The following CCDC91 variants were observed in gnomAD, a reference collection of about 807,000 sequenced individuals.
CCDC91 encodes coiled-coil domain-containing protein 91.
Under a neutral mutation model 63.2 loss-of-function variants are expected in CCDC91, and 48 were observed. The observed-to-expected ratio is 0.76, with a 90% CI of 0.60 to 0.97. The LOEUF (loss-of-function observed/expected upper bound fraction) is 0.97, where lower values mean the gene tolerates loss of function less well. CCDC91 is among the 50% of genes least tolerant of loss of function. The pLI is 0.00. For missense variants in CCDC91, 500 were observed against 494.6 expected (o/e 1.01, Z -0.10); for synonymous variants, 167 against 165.8 (o/e 1.01, Z -0.06).
intron 3 of CCDC91, 90 bp from the exon 4 acceptor site, chr12:28,305,559 A>G (rs1592258764): frequency 1.8e-6 from 2 of 1,123,338 alleles, no homozygotes; most frequent in Non-Finnish European, 2.4e-6. Context: ...CTTTTCCTCT[A>G]TTTCAGCTCT....
At chr12:28,221,069 A>G (rs2135674085) in intron 1 of CCDC91, among the ~76,000 whole-genome samples, 1 of 152,016 alleles carries the variant, frequency 6.6e-6, no homozygotes, top group South Asian at 2.1e-4. Flanking sequence ...CATGTTTTAG[A>G]CCACTTGAAA....
chr12:28,343,438 A>G (rs545356466), intron 6 of CCDC91, among the ~76,000 whole-genome samples: 2 of 152,118 alleles, frequency 1.3e-5, no homozygotes, highest in East Asian at 1.9e-4. Flanking sequence ...TACATTCTCA[A>G]CTTTTCCTTA....
intron 11 of CCDC91, among the ~76,000 whole-genome samples, chr12:28,470,354 C>G (rs1166842481): frequency 6.6e-6 from 1 of 152,094 alleles, no homozygotes; most frequent in East Asian, 1.9e-4. Flanking sequence ...CATTGATCAT[C>G]AGAAAATTGC....
At chr12:28,327,120 A>G (rs1185768837) in intron 6 of CCDC91, among the ~76,000 whole-genome samples, 2 of 151,878 alleles carry the variant, frequency 1.3e-5, no homozygotes, top group Non-Finnish European at 2.9e-5. Flanking sequence ...TACTTGTCAT[A>G]GTGATATAGG....
At chr12:28,268,411 C>A (rs1162160291) in intron 3 of CCDC91, among the ~76,000 whole-genome samples, 1 of 152,056 alleles carries the variant, frequency 6.6e-6, no homozygotes, top group African/African-American at 2.4e-5. Flanking sequence ...AATTAACAAA[C>A]TATAGCTACA....
intron 3 of CCDC91, among the ~76,000 whole-genome samples, chr12:28,295,554 A>G (rs139513151): frequency 6.6e-6 from 1 of 152,198 alleles, no homozygotes; most frequent in African/African-American, 2.4e-5. Flanking sequence ...TTTAATACCA[A>G]TGTGATAATC....
At chr12:28,374,052 C>T (rs907872612) in intron 7 of CCDC91, among the ~76,000 whole-genome samples, 2 of 152,072 alleles carry the variant, frequency 1.3e-5, no homozygotes, top group Non-Finnish European at 1.5e-5. Context: ...TGTGTATTTC[C>T]TTCTAGCAAT....
chr12:28,285,230 T>C (rs1948842003), intron 3 of CCDC91, among the ~76,000 whole-genome samples: 1 of 152,192 alleles, frequency 6.6e-6, no homozygotes, highest in South Asian at 2.1e-4. Flanking sequence ...TTTTCAGAGT[T>C]TCTCTGAAGG....
intron 6 of CCDC91, among the ~76,000 whole-genome samples, chr12:28,326,921 A>T (rs1941062526): frequency 6.6e-6 from 1 of 152,096 alleles, no homozygotes; most frequent in Admixed American, 6.6e-5. Context: ...TAGAATTGAA[A>T]AGCAGGAGGT....
intron 12 of CCDC91, among the ~76,000 whole-genome samples, chr12:28,515,340 CCTT>C (rs1244413309): frequency 4.6e-5 from 7 of 151,804 alleles, no homozygotes; most frequent in Non-Finnish European, 7.4e-5. Flanking sequence ...TGAAATGTGA[CCTT>C]CTCCCTGTTT....
At chr12:28,433,065 C>CT (rs1948716621) in intron 8 of CCDC91, among the ~76,000 whole-genome samples, 1 of 151,636 alleles carries the variant, frequency 6.6e-6, no homozygotes, top group African/African-American at 2.4e-5. Flanking sequence ...TAAGTCAGGC[C>CT]TTTTTTTGTT....
chr12:28,458,846 T>C (rs7313862), intron 11 of CCDC91, among the ~76,000 whole-genome samples: 51,175 of 151,946 alleles, frequency 0.34, 9,398 homozygotes, highest in African/African-American at 0.46. Flanking sequence ...CCTTGACCTC[T>C]TATGTAGACT....
At chr12:28,474,864 A>C (rs1951002686) in intron 11 of CCDC91, among the ~76,000 whole-genome samples, 1 of 152,056 alleles carries the variant, frequency 6.6e-6, no homozygotes, top group Non-Finnish European at 1.5e-5. Context: ...AGAATTAAGA[A>C]ACTCACTCAA....
intron 1 of CCDC91, among the ~76,000 whole-genome samples, chr12:28,235,801 AT>A (rs527486416): frequency 0.011 from 1,630 of 145,820 alleles, 22 homozygotes; most frequent in African/African-American, 0.037. Flanking sequence ...ATTTATAAGT[AT>A]TTTTTTTTTT....
intron 11 of CCDC91, among the ~76,000 whole-genome samples, chr12:28,465,843 A>G (rs754837287): frequency 9.9e-5 from 15 of 152,190 alleles, no homozygotes; most frequent in Non-Finnish European, 8.8e-5. Context: ...CCAGAGACCA[A>G]TTCTGGAGAT....
chr12:28,422,783 T>C (rs1345778728), intron 8 of CCDC91, among the ~76,000 whole-genome samples: 1 of 152,012 alleles, frequency 6.6e-6, no homozygotes, highest in East Asian at 1.9e-4. Flanking sequence ...TTTGAGAGAG[T>C]AGGAAAATCA....
intron 6 of CCDC91, among the ~76,000 whole-genome samples, chr12:28,336,553 A>G (rs543281868): frequency 1.3e-5 from 2 of 152,296 alleles, no homozygotes; most frequent in Admixed American, 1.3e-4. Context: ...ACATTTTGGC[A>G]GGGGTAGGCT....
intron 3 of CCDC91, among the ~76,000 whole-genome samples, chr12:28,289,899 A>G (rs1248243436): frequency 1.3e-5 from 2 of 151,686 alleles, no homozygotes; most frequent in Non-Finnish European, 2.9e-5. Context: ...TCACCGTGTT[A>G]GCCAGGATGG....
chr12:28,533,071 C>G (rs1031953406), intron 12 of CCDC91, among the ~76,000 whole-genome samples: 1 of 152,066 alleles, frequency 6.6e-6, no homozygotes, highest in African/African-American at 2.4e-5. Flanking sequence ...TCATAGTATG[C>G]CCTATTTGGG....
Sources: gnomAD v4.1 joint callset for allele counts (sites outside exome capture counted in the v4.1 genomes callset) on GRCh38, gnomAD v4.1.1 for gene constraint, MANE v1.5 for transcripts, NCBI Gene and HGNC (gene_info 2026-07-23, HGNC 2026-07-21) for gene names.